TNKS: variants seen among roughly 807,000 people sequenced by gnomAD.
TNKS encodes poly [ADP-ribose] polymerase tankyrase-1.
Under a neutral mutation model 135.8 loss-of-function variants are expected in TNKS, and 72 were observed. The observed-to-expected ratio is 0.53, with a 90% CI of 0.44 to 0.64. TNKS has a LOEUF of 0.64. Ranked by LOEUF, TNKS falls within the 30% of genes least tolerant of loss-of-function variation. The pLI, the probability that TNKS is intolerant of heterozygous loss-of-function variation, is 0.00. For synonymous variants in TNKS, 849 were observed against 649.3 expected (o/e 1.31, Z -4.68); for missense variants, 1,769 against 1,674.0 (o/e 1.06, Z -0.99).
intron 5 of TNKS, among the ~76,000 whole-genome samples, chr8:9,694,397 T>C (rs1409253624): frequency 6.6e-6 from 1 of 152,140 alleles, no homozygotes; most frequent in East Asian, 1.9e-4. Context: ...TAAATAACTA[T>C]TATTTTGGAA....
intron 2 of TNKS, among the ~76,000 whole-genome samples, chr8:9,610,329 T>C (rs1312954488): frequency 1.3e-5 from 2 of 151,336 alleles, no homozygotes; most frequent in Non-Finnish European, 2.9e-5. Flanking sequence ...TACGGTATAA[T>C]ATATACTGTA....
intron 20 of TNKS, among the ~76,000 whole-genome samples, chr8:9,753,884 T>G (rs1806689071): frequency 6.6e-6 from 1 of 152,202 alleles, no homozygotes; most frequent in Non-Finnish European, 1.5e-5. Context: ...TAATCTCCAG[T>G]CTACATATGT....
chr8:9,613,610 A>G (rs556588487), intron 2 of TNKS, among the ~76,000 whole-genome samples: 10 of 152,350 alleles, frequency 6.6e-5, no homozygotes, highest in African/African-American at 2.4e-4. Context: ...ACTTTGCTGT[A>G]GATGTGTCTG....
At chr8:9,567,081 G>A (rs1311500122) in intron 1 of TNKS, among the ~76,000 whole-genome samples, 1 of 152,180 alleles carries the variant, frequency 6.6e-6, no homozygotes. Context: ...GTAATCTGAC[G>A]ATTCTTACTG....
intron 5 of TNKS, among the ~76,000 whole-genome samples, chr8:9,693,935 A>G (rs1803394566): frequency 6.6e-6 from 1 of 152,162 alleles, no homozygotes; most frequent in Non-Finnish European, 1.5e-5. Context: ...TGGGTTTCCT[A>G]GGATCAGGAA....
At chr8:9,563,056 T>C (rs12545250) in intron 1 of TNKS, among the ~76,000 whole-genome samples, 63,574 of 151,802 alleles carry the variant, frequency 0.42, 13,794 homozygotes, top group East Asian at 0.6. Context: ...CTAAATTTGT[T>C]ACTTGCTCCA....
At chr8:9,718,682 G>A (rs553878579) in intron 11 of TNKS, among the ~76,000 whole-genome samples, 2 of 152,038 alleles carry the variant, frequency 1.3e-5, no homozygotes, top group African/African-American at 2.4e-5. Flanking sequence ...AGGAAAAGTG[G>A]GAATATGTTT....
rs1293273556 is a variant in TNKS at position 9,723,384 on chromosome 8, C to A, written c.1921+2839C>A. ...TAGTAATTTGTTTTGTTCTGGATAA[C>A]ATTTTATAAGATTCATTTAAATACA... On this transcript the variant is annotated intron_variant, in intron 12 of 26. Transcript: ENST00000310430. Among the ~76,000 whole-genome samples, 8 of 148,778 alleles carry A rather than the reference C, an allele frequency of 5.4e-5. No individual in the cohort carries two copies. The Admixed American group carries it at 5.5e-4, about 10-fold the overall frequency.
intron 3 of TNKS, among the ~76,000 whole-genome samples, chr8:9,672,690 A>C (rs1212154642): frequency 8.2e-6 from 1 of 121,746 alleles, no homozygotes; most frequent in African/African-American, 3.0e-5. Context: ...ATACACACAC[A>C]CACACACACA....
intron 2 of TNKS, among the ~76,000 whole-genome samples, chr8:9,594,974 C>A (rs996838922): frequency 6.6e-6 from 1 of 152,188 alleles, no homozygotes; most frequent in South Asian, 2.1e-4. Flanking sequence ...CTCACACCTT[C>A]TTTACTGTTT....
chr8:9,733,495 GT>G, intron 15 of TNKS, 51 bp downstream of exon 15: 3 of 1,501,064 alleles, frequency 2.0e-6, no homozygotes, highest in Non-Finnish European at 2.7e-6. Context: ...TTATATTTTG[GT>G]TATTACTTGA....
At chr8:9,640,946 T>C (rs1222318427) in intron 3 of TNKS, among the ~76,000 whole-genome samples, 1 of 146,082 alleles carries the variant, frequency 6.8e-6, no homozygotes, top group Admixed American at 7.2e-5. Flanking sequence ...CCCCTCATTT[T>C]CTAATAGCAT....
Position 9,567,365 on chromosome 8 carries a change from A to G in TNKS, c.673+10753A>G, listed in dbSNP as rs1397527576. ...TGTGATTGGAAGTAATCTTTGAAGAACCTCATAACTAAATGGAAGAAGGAA... is the reference window on the plus strand; with the variant it reads ...TGTGATTGGAAGTAATCTTTGAAGAGCCTCATAACTAAATGGAAGAAGGAA... On this transcript the variant is annotated intron_variant, in intron 1 of 26. Coordinates refer to ENST00000310430, the MANE Select transcript of TNKS (RefSeq NM_003747.3). Among the ~76,000 whole-genome samples, 3 of 152,190 alleles carry G rather than the reference A, an allele frequency of 2.0e-5. No individual in the cohort carries two copies. The East Asian group carries it at 5.8e-4, about 29-fold the overall frequency.
At chr8:9,583,555 C>T (rs1029033155) in intron 2 of TNKS, among the ~76,000 whole-genome samples, 1 of 151,882 alleles carries the variant, frequency 6.6e-6, no homozygotes, top group African/African-American at 2.4e-5. Flanking sequence ...GTGGCGCGAT[C>T]TCTGCTCACT....
At chr8:9,621,583 G>A (rs988640702) in intron 3 of TNKS, among the ~76,000 whole-genome samples, 5 of 151,402 alleles carry the variant, frequency 3.3e-5, no homozygotes, top group Non-Finnish European at 7.4e-5. Context: ...TGGAATTACA[G>A]GCTTATTTTT....
intron 3 of TNKS, among the ~76,000 whole-genome samples, chr8:9,636,904 T>A (rs931383760): frequency 6.6e-6 from 1 of 152,182 alleles, no homozygotes; most frequent in African/African-American, 2.4e-5. Context: ...TGGGAAAACA[T>A]CAGGCCTACT....
intron 26 of TNKS, 43 bp downstream of exon 26, chr8:9,770,305 G>C (rs938804681): frequency 6.3e-7 from 1 of 1,576,864 alleles, no homozygotes. Context: ...TCACAAACAT[G>C]TCAATAGAGC....
At chr8:9,669,206 C>T (rs1585305584) in intron 3 of TNKS, among the ~76,000 whole-genome samples, 1 of 151,620 alleles carries the variant, frequency 6.6e-6, no homozygotes, top group Non-Finnish European at 1.5e-5. Context: ...ATCATGAGGT[C>T]AGGAGATCGA....
chr8:9,637,531 T>C (rs35127402), intron 3 of TNKS, among the ~76,000 whole-genome samples: 1,730 of 152,310 alleles, frequency 0.011, 35 homozygotes, highest in African/African-American at 0.039. Flanking sequence ...TGAGAGTGAA[T>C]GATAAATTGC....
Sources: gnomAD v4.1 joint callset for allele counts (sites outside exome capture counted in the v4.1 genomes callset) on GRCh38, gnomAD v4.1.1 for gene constraint, MANE v1.5 for transcripts, NCBI Gene and HGNC (gene_info 2026-07-23, HGNC 2026-07-21) for gene names.